TMEM132B: variants seen among roughly 807,000 people sequenced by gnomAD.
The protein encoded by TMEM132B is transmembrane protein 132B.
In TMEM132B, 18 loss-of-function variants were observed where a neutral mutation model predicts 90.8. That is an observed-to-expected ratio of 0.20 (90% CI 0.14 to 0.29). The LOEUF is 0.29. Ranked by LOEUF, TMEM132B falls within the 10% of genes least tolerant of loss-of-function variation. The probability of loss-of-function intolerance (pLI) is 1.00; values close to 1 mark genes in which losing one functional copy is unlikely to be tolerated. For synonymous variants in TMEM132B, 504 were observed against 523.3 expected, an observed-to-expected ratio of 0.96 and a Z score of 0.50; for missense variants, 1,096 against 1,326.8, an observed-to-expected ratio of 0.83 and a Z score of 2.70.
At chr12:125,538,307 G>C (rs371208110) in intron 4 of TMEM132B, among the ~76,000 whole-genome samples, 2 of 152,178 alleles carry the variant, frequency 1.3e-5, no homozygotes, top group African/African-American at 4.8e-5. Flanking sequence ...TCTGTGGTGA[G>C]GAACAACTGT....
At chr12:125,541,322 C>T (rs1883950617) in intron 4 of TMEM132B, among the ~76,000 whole-genome samples, 1 of 152,162 alleles carries the variant, frequency 6.6e-6, no homozygotes, top group Non-Finnish European at 1.5e-5. Context: ...GCCTCTTATG[C>T]GGGAGCTAGG....
intron 4 of TMEM132B, among the ~76,000 whole-genome samples, chr12:125,530,268 A>G (rs1160943350): frequency 2.6e-5 from 4 of 151,430 alleles, no homozygotes; most frequent in Non-Finnish European, 5.9e-5. Context: ...CTATTGACGA[A>G]TATTTAGGTT....
At chr12:125,358,880 G>A (rs948876136) in intron 2 of TMEM132B, among the ~76,000 whole-genome samples, 1 of 152,122 alleles carries the variant, frequency 6.6e-6, no homozygotes, top group African/African-American at 2.4e-5. Context: ...ATCCATTGAC[G>A]ATTCTTGTCT....
intron 5 of TMEM132B, among the ~76,000 whole-genome samples, chr12:125,630,788 C>A (rs1169825611): frequency 6.6e-6 from 1 of 151,896 alleles, no homozygotes; most frequent in Admixed American, 6.6e-5. Flanking sequence ...CCCTTCTTTG[C>A]GTACATAAGT....
chr12:125,614,693 C>G (rs1885945598), intron 5 of TMEM132B, among the ~76,000 whole-genome samples: 2 of 152,110 alleles, frequency 1.3e-5, no homozygotes, highest in Non-Finnish European at 2.9e-5. Context: ...TAGTCCAGCC[C>G]TTGTGGAAAG....
chr12:125,223,688 A>G (rs1197533488), intron 1 of TMEM132B, among the ~76,000 whole-genome samples: 1 of 152,188 alleles, frequency 6.6e-6, no homozygotes, highest in Non-Finnish European at 1.5e-5. Context: ...CTCGCCAGCC[A>G]TTAATCTACT....
chr12:125,436,756 G>A (rs1190332271), intron 3 of TMEM132B, among the ~76,000 whole-genome samples: 2 of 152,138 alleles, frequency 1.3e-5, no homozygotes, highest in African/African-American at 4.8e-5. Flanking sequence ...CTTTGTTACG[G>A]CAGCCCCAAG....
At chr12:125,356,810 C>T (rs548540158) in intron 2 of TMEM132B, among the ~76,000 whole-genome samples, 2 of 152,240 alleles carry the variant, frequency 1.3e-5, no homozygotes, top group Non-Finnish European at 2.9e-5. Context: ...TAGGCATGCT[C>T]CTACCCAGGG....
intron 3 of TMEM132B, among the ~76,000 whole-genome samples, chr12:125,496,792 C>G (rs188627598): frequency 1.3e-5 from 2 of 152,344 alleles, no homozygotes; most frequent in Admixed American, 1.3e-4. Context: ...TCAGTTTCCT[C>G]TACCCCCACT....
chr12:125,644,312 G>T (rs759031963), intron 6 of TMEM132B, 31 bp downstream of exon 6: 10 of 1,609,376 alleles, frequency 6.2e-6, no homozygotes, highest in Non-Finnish European at 8.5e-6. Flanking sequence ...CTGTGGATCC[G>T]ATTGTCCTGG....
rs1883243169 is a variant in TMEM132B, at chr12:125,519,249, A to AGG, written c.1107-189_1107-188insGG. Among the ~76,000 whole-genome samples the AGG allele has an allele frequency of 2.6e-5, 4 of 152,208 alleles. No individual in the cohort carries two copies. In the South Asian group the frequency reaches 6.2e-4, roughly 24 times the overall value. On this transcript the variant is annotated intron_variant, in intron 3 of 8. Coordinates refer to ENST00000682704, the MANE Select transcript of TMEM132B (RefSeq NM_001366854.1). ...CACGGAGCCCTAGAGACGGATCGTCAGCCTATTCTGAGGTGTGGGCTGCTG... is the reference window on the plus strand; with the variant it reads ...CACGGAGCCCTAGAGACGGATCGTCAGGGCCTATTCTGAGGTGTGGGCTGCTG...
intron 1 of TMEM132B, among the ~76,000 whole-genome samples, chr12:125,346,466 A>AT (rs1177744853): frequency 6.6e-6 from 1 of 152,260 alleles, no homozygotes; most frequent in Admixed American, 6.5e-5. Flanking sequence ...GTGATGCTGC[A>AT]TAAGGCAGAT....
At chr12:125,577,345 C>A (rs1349110060) in intron 4 of TMEM132B, among the ~76,000 whole-genome samples, 1 of 151,434 alleles carries the variant, frequency 6.6e-6, no homozygotes, top group East Asian at 1.9e-4. Flanking sequence ...TTTTAGAAAT[C>A]TGAATCTCCT....
rs552880806 is a variant in TMEM132B, at chr12:125,512,596, C to G, written c.1107-6843C>G. Among the ~76,000 whole-genome samples, 15 of 152,162 alleles carry G rather than the reference C, an allele frequency of 9.9e-5. No homozygotes were observed. The East Asian group carries it at 1.7e-3, about 18-fold the overall frequency. ...GATGATGGGAAGTCAGAAAATCTAA[C>G]GAGTAATGAGAGAATGTTTTGAGTC... On this transcript the variant is annotated intron_variant, in intron 3 of 8. Transcript: ENST00000682704.
At chr12:125,598,037 G>A (rs992773189) in intron 5 of TMEM132B, among the ~76,000 whole-genome samples, 2 of 152,114 alleles carry the variant, frequency 1.3e-5, no homozygotes, top group Non-Finnish European at 1.5e-5. Flanking sequence ...GGAGGATTAC[G>A]GAGATTAAGG....
At chr12:125,505,190 A>AAAAAAAAC (rs1882813659) in intron 3 of TMEM132B, among the ~76,000 whole-genome samples, 1 of 144,496 alleles carries the variant, frequency 6.9e-6, no homozygotes, top group African/African-American at 2.5e-5. Flanking sequence ...AAAAAAAAAA[A>AAAAAAAAC]AAAAACAGTA....
At chr12:125,510,255 A>G (rs1297014539) in intron 3 of TMEM132B, among the ~76,000 whole-genome samples, 3 of 152,212 alleles carry the variant, frequency 2.0e-5, no homozygotes, top group Non-Finnish European at 4.4e-5. Context: ...AGGTGCCTCA[A>G]GTGTTTGCTC....
chr12:125,619,312 C>T (rs1290537997), intron 5 of TMEM132B, among the ~76,000 whole-genome samples: 1 of 151,820 alleles, frequency 6.6e-6, no homozygotes, highest in Non-Finnish European at 1.5e-5. Context: ...GACCACCTGC[C>T]TGCTGTGGCA....
rs114736987 is a variant in TMEM132B at position 125,310,707 on chromosome 12, G to A, written c.68-38745G>A. 2.4e-3 allele frequency among the ~76,000 whole-genome samples: 373 copies of A among 152,246 alleles called. 4 individuals carry two copies. The highest frequency in any genetic ancestry group is 8.6e-3 in the African/African-American group (357 of 41,532). On this transcript the variant is annotated intron_variant, in intron 1 of 8. Coordinates refer to ENST00000682704, the MANE Select transcript of TMEM132B (RefSeq NM_001366854.1). ...TACCATGGCAACCGTAGCCAGCCAC[G>A]CAGAGAAACACTTTGACCTCCCCCC...
Sources: gnomAD v4.1 joint callset for allele counts (sites outside exome capture counted in the v4.1 genomes callset) on GRCh38, gnomAD v4.1.1 for gene constraint, MANE v1.5 for transcripts, NCBI Gene and HGNC (gene_info 2026-07-23, HGNC 2026-07-21) for gene names.